The following ASTN1 variants were observed in gnomAD, a reference collection of about 807,000 sequenced individuals.
ASTN1 encodes the protein astrotactin 1, also known as astrotactin-1.
In ASTN1, 41 loss-of-function variants were observed where a neutral mutation model predicts 140.7. The ratio of observed to expected loss-of-function variants is 0.29; its 90% CI spans 0.23 to 0.38. The LOEUF (loss-of-function observed/expected upper bound fraction) is 0.38. Ranked by LOEUF, ASTN1 falls within the 10% of genes least tolerant of loss-of-function variation. ASTN1 has a pLI of 1.00. For missense variants in ASTN1, 1,479 were observed against 1,678.8 expected, an observed-to-expected ratio of 0.88 and a Z score of 2.08; for synonymous variants, 640 against 652.2, an observed-to-expected ratio of 0.98 and a Z score of 0.29.
chr1:177,048,297 C>T (rs1677347754), intron 2 of ASTN1, among the ~76,000 whole-genome samples: 1 of 152,192 alleles, frequency 6.6e-6, no homozygotes, highest in East Asian at 1.9e-4. Context: ...GATTCAGGGA[C>T]TCTCCTGAGA....
intron 7 of ASTN1, among the ~76,000 whole-genome samples, chr1:177,016,097 G>C (rs1675532044): frequency 6.6e-6 from 1 of 152,092 alleles, no homozygotes; most frequent in South Asian, 2.1e-4. Context: ...ATAAAATCCA[G>C]TAAAAACGAA....
rs571139985 is a variant in ASTN1 at position 176,874,611 on chromosome 1, C to T, written c.3463+1926G>A. 3.2e-4 allele frequency among the ~76,000 whole-genome samples: 49 copies of T among 152,250 alleles called. 1 individual carries two copies. The highest frequency in any genetic ancestry group is 2.5e-3 in the South Asian group (12 of 4,816). The stretch of plus-strand genomic sequence containing the variant: ...GCATCTATAACATGGGGGTATTGTG[C>T]CATTCCTTCAGTAAATACTTATTGA... On this transcript the variant is annotated intron_variant, in intron 21 of 22. Coordinates refer to ENST00000361833, the MANE Select transcript of ASTN1 (RefSeq NM_004319.3).
At chr1:177,093,769 T>G (rs13375316) in intron 1 of ASTN1, among the ~76,000 whole-genome samples, 4,629 of 152,188 alleles carry the variant, frequency 0.03, 114 homozygotes, top group East Asian at 0.11. Flanking sequence ...AAAGAAAAGG[T>G]TAGATTTCAA....
intron 8 of ASTN1, among the ~76,000 whole-genome samples, chr1:176,978,075 G>C (rs960316731): frequency 7.2e-5 from 11 of 152,314 alleles, no homozygotes; most frequent in Middle Eastern, 3.4e-3. Flanking sequence ...GATGCACTGA[G>C]TCTAGGCATT....
rs560689065 is a variant in ASTN1, at chr1:177,163,087, T to G, written c.283+1307A>C. ...CTAGTGTTTTCAGTGTGAAGACATCTCCTATGAAGGAAGAGCAAGAGGGAT... is the reference window on the plus strand; with the variant it reads ...CTAGTGTTTTCAGTGTGAAGACATCGCCTATGAAGGAAGAGCAAGAGGGAT... On this transcript the variant is annotated intron_variant, in intron 1 of 22. Coordinates refer to ENST00000361833, the MANE Select transcript of ASTN1 (RefSeq NM_004319.3). Among the ~76,000 whole-genome samples the G allele has an allele frequency of 1.4e-4, 22 of 152,268 alleles. No individual in the cohort carries two copies. The South Asian group carries it at 4.6e-3, about 32-fold the overall frequency.
At chr1:177,124,409 G>A (rs1681546724) in intron 1 of ASTN1, among the ~76,000 whole-genome samples, 1 of 152,190 alleles carries the variant, frequency 6.6e-6, no homozygotes, top group African/African-American at 2.4e-5. Context: ...CTCTACTGCA[G>A]ATGAATCCTC....
chr1:177,037,382 C>T (rs1278483066), intron 2 of ASTN1, among the ~76,000 whole-genome samples: 1 of 152,200 alleles, frequency 6.6e-6, no homozygotes, highest in Non-Finnish European at 1.5e-5. Context: ...CCAAAAAGAC[C>T]TCTACTCAAC....
chr1:176,935,270 C>T (rs1013340817), intron 15 of ASTN1, among the ~76,000 whole-genome samples: 4 of 152,170 alleles, frequency 2.6e-5, no homozygotes, highest in Non-Finnish European at 4.4e-5. Flanking sequence ...TGACTTTGGA[C>T]GGCATGTGGC....
intron 5 of ASTN1, among the ~76,000 whole-genome samples, chr1:177,029,093 T>C (rs1013408192): frequency 9.2e-5 from 14 of 152,112 alleles, no homozygotes; most frequent in Non-Finnish European, 1.5e-4. Flanking sequence ...ACCTTAACCC[T>C]GCCAGGGGAA....
At chr1:177,041,211 G>C (rs528245608) in intron 2 of ASTN1, among the ~76,000 whole-genome samples, 1 of 152,252 alleles carries the variant, frequency 6.6e-6, no homozygotes, top group South Asian at 2.1e-4. Flanking sequence ...TAAGGAATCA[G>C]GCTACCTGGG....
intron 15 of ASTN1, among the ~76,000 whole-genome samples, chr1:176,934,558 T>C (rs1290927534): frequency 6.6e-6 from 1 of 152,084 alleles, no homozygotes; most frequent in Non-Finnish European, 1.5e-5. Flanking sequence ...ATTAACTTTG[T>C]GCCAAGTTAA....
chr1:176,961,763 C>A (rs1024587947), intron 9 of ASTN1, among the ~76,000 whole-genome samples: 2 of 152,218 alleles, frequency 1.3e-5, no homozygotes, highest in Non-Finnish European at 2.9e-5. Flanking sequence ...AAAATCTCAT[C>A]TGTCCCTCAT....
chr1:176,995,319 A>G (rs1674387388), intron 8 of ASTN1, among the ~76,000 whole-genome samples: 1 of 152,218 alleles, frequency 6.6e-6, no homozygotes, highest in Admixed American at 6.5e-5. Flanking sequence ...GTTTGAATAC[A>G]ATGGCAGAGA....
chr1:177,049,717 T>C (rs916463277), intron 2 of ASTN1, among the ~76,000 whole-genome samples: 1 of 152,220 alleles, frequency 6.6e-6, no homozygotes, highest in Admixed American at 6.5e-5. Context: ...TGTAATGCAG[T>C]CTGTGTGACG....
chr1:177,069,187 C>G (rs1678510182), intron 1 of ASTN1, among the ~76,000 whole-genome samples: 2 of 151,968 alleles, frequency 1.3e-5, no homozygotes, highest in African/African-American at 4.8e-5. Flanking sequence ...TCAACAGTCC[C>G]CAGTAAGAAA....
chr1:177,041,096 G>A (rs1409007911), intron 2 of ASTN1, among the ~76,000 whole-genome samples: 1 of 152,112 alleles, frequency 6.6e-6, no homozygotes, highest in Non-Finnish European at 1.5e-5. Context: ...AGCAGGGCTG[G>A]GTGAAGCAGG....
At chr1:176,881,378 G>A (rs571201050) in intron 20 of ASTN1, among the ~76,000 whole-genome samples, 1 of 152,306 alleles carries the variant, frequency 6.6e-6, no homozygotes, top group South Asian at 2.1e-4. Flanking sequence ...GAGGAGGGTC[G>A]CAGTGTGGGT....
chr1:177,021,967 C>A (rs912292469), intron 7 of ASTN1, among the ~76,000 whole-genome samples: 2 of 152,166 alleles, frequency 1.3e-5, no homozygotes, highest in African/African-American at 4.8e-5. Context: ...TGCCTGACAG[C>A]GTGGGAGGAG....
intron 16 of ASTN1, among the ~76,000 whole-genome samples, chr1:176,910,569 A>G (rs1670191919): frequency 6.6e-6 from 1 of 152,252 alleles, no homozygotes; most frequent in Admixed American, 6.5e-5. Flanking sequence ...GCACAGTCAC[A>G]CATTGCTTAA....
Sources: allele counts gnomAD v4.1 joint callset (sites outside exome capture counted in the v4.1 genomes callset), GRCh38; gene constraint gnomAD v4.1.1; transcripts MANE v1.5; gene names NCBI Gene and HGNC (gene_info 2026-07-23, HGNC 2026-07-21).